Variants in MYLK3 observed in about 807,000 individuals in gnomAD.
MYLK3 encodes myosin light chain kinase 3.
In MYLK3, 55 loss-of-function variants were observed where a neutral mutation model predicts 76.3. That is an observed-to-expected ratio of 0.72 (90% CI 0.58 to 0.90). The LOEUF (loss-of-function observed/expected upper bound fraction) is 0.90. MYLK3 is among the 40% of genes least tolerant of loss of function. The probability of loss-of-function intolerance (pLI) is 0.00; values close to 1 mark genes in which losing one functional copy is unlikely to be tolerated. For missense variants in MYLK3, 973 were observed against 1,053.6 expected, an observed-to-expected ratio of 0.92 and a Z score of 1.06; for synonymous variants, 416 against 425.4, an observed-to-expected ratio of 0.98 and a Z score of 0.27.
At chr16:46,733,445 G>C (rs1197209569) in intron 3 of MYLK3, among the ~76,000 whole-genome samples, 1 of 152,178 alleles carries the variant, frequency 6.6e-6, no homozygotes, top group Non-Finnish European at 1.5e-5. Context: ...TGGCTGTGCT[G>C]GGCCCACGTG....
intron 1 of MYLK3, among the ~76,000 whole-genome samples, chr16:46,742,540 C>T (rs965251980): frequency 6.6e-6 from 1 of 151,762 alleles, no homozygotes; most frequent in African/African-American, 2.4e-5. Context: ...TGGCAAAACT[C>T]GGCTAGGGCA....
At chr16:46,728,617 A>T (rs1966846788) in intron 7 of MYLK3, among the ~76,000 whole-genome samples, 1 of 152,180 alleles carries the variant, frequency 6.6e-6, no homozygotes, top group South Asian at 2.1e-4. Context: ...GCTTCATGGG[A>T]GGCTACAGTG....
At chr16:46,729,796 T>C in intron 5 of MYLK3, 109 bp from the exon 6 acceptor site, 1 of 921,968 alleles carries the variant, frequency 1.1e-6, no homozygotes, top group Non-Finnish European at 1.7e-6. Context: ...TGGACCATCC[T>C]ACATCCCAGA....
At chr16:46,726,675 G>GAGAAAGAAAGAAAGAAAGAAAGAAAGAA (rs1204849346) in intron 8 of MYLK3, 1 of 46,554 alleles carries the variant, frequency 2.1e-5, no homozygotes, top group African/African-American at 5.9e-5. Context: ...AAGAAAGAAA[G>GAGAAAGAAAGAAAGAAAGAAAGAAAGAA]AGAAAGAAAG....
rs1267811606 is a variant in MYLK3 at position 46,703,233 on chromosome 16, A to G, written c.*4471T>C. On this transcript the variant is annotated 3_prime_UTR_variant, in exon 13 of 13. Coordinates refer to ENST00000394809, the MANE Select transcript of MYLK3 (RefSeq NM_182493.3). ...TGGATGTGGCAAAATTCATTTAACT[A>G]AAACCAAACTAATAGGCATGTGTTG... 2 of 152,256 alleles carry G rather than the reference A, an allele frequency of 1.3e-5. No homozygotes were observed. The highest frequency in any genetic ancestry group is 6.5e-5 in the Admixed American group (1 of 15,284). The allele number at this position is 152,256 out of a possible 1,614,324, so 9.4% of individuals were successfully genotyped here.
At chr16:46,721,047 C>A in intron 9 of MYLK3, 76 bp downstream of exon 9, 1 of 1,294,794 alleles carries the variant, frequency 7.7e-7, no homozygotes, top group Non-Finnish European at 1.1e-6. Flanking sequence ...TTAGCTGGGT[C>A]AGGAGTAACC....
At chr16:46,735,183 A>G (rs1259744364) in intron 3 of MYLK3, among the ~76,000 whole-genome samples, 1 of 151,730 alleles carries the variant, frequency 6.6e-6, no homozygotes, top group Admixed American at 6.6e-5. Flanking sequence ...TAAATTTTAC[A>G]TTATGTGGTT....
At chr16:46,711,647 A>T (rs1159678851) in intron 10 of MYLK3, 1 of 441,840 alleles carries the variant, frequency 2.3e-6, no homozygotes, top group Non-Finnish European at 4.5e-6. Flanking sequence ...AAGTGCTGGG[A>T]TTATAGGCAT....
chr16:46,724,364 T>C (rs923069067), intron 8 of MYLK3, among the ~76,000 whole-genome samples: 7 of 152,198 alleles, frequency 4.6e-5, no homozygotes, highest in African/African-American at 7.2e-5. Flanking sequence ...TAAGAAACCA[T>C]TGCCTAATCC....
chr16:46,727,231 C>T lies in MYLK3; in HGVS notation c.1914+5G>A. On this transcript the variant is annotated splice_donor_5th_base_variant and intron_variant, in intron 8 of 12. Transcript: ENST00000394809. ...CCCCTACCGCATGCCCAGGGCAGAA[C>T]CCACCTTGAGGTCCAGGTGCAGGAT... 6.2e-7 allele frequency: 1 copy of T among 1,613,294 alleles called. No homozygotes were observed.
At chr16:46,740,510 T>C (rs1023658599) in intron 1 of MYLK3, among the ~76,000 whole-genome samples, 1 of 142,266 alleles carries the variant, frequency 7.0e-6, no homozygotes, top group Non-Finnish European at 1.5e-5. Context: ...TTTAAAAATA[T>C]ATACATAAAT....
rs753264453 is a variant in MYLK3, at chr16:46,747,722, C to T, written c.472G>A (p.Glu158Lys). 6.2e-7 allele frequency: 1 copy of T among 1,612,874 alleles called. No individual in the cohort carries two copies. Among genetic ancestry groups the T allele is most frequent in the Non-Finnish European group, 8.5e-7 (1 of 1,179,484 alleles). The change falls in exon 1 of 13, where the codon GAG becomes AAG. Residue 158 changes from glutamate (E) to lysine (K), a missense_variant. Coordinates refer to ENST00000394809, the MANE Select transcript of MYLK3 (RefSeq NM_182493.3). ...WRRGSPGDSP[E>K]ENKERVEEEG... The stretch of plus-strand genomic sequence containing the variant: ...GCAGGGAAGCAGGAACCAACCTCCT[C>T]AGGGCTGTCACCTGGGCTGCCTCTC...
In MYLK3 at chr16:46,732,352, C is replaced by A; in HGVS notation, c.1318G>T (p.Val440Phe). 5 of 1,613,486 alleles carry A rather than the reference C, an allele frequency of 3.1e-6. No homozygotes were observed. The highest frequency in any genetic ancestry group is 4.2e-6 in the Non-Finnish European group (5 of 1,180,024). Residue 440 changes from valine (V) to phenylalanine (F), a missense_variant, in exon 4 of 13, where the codon GTT becomes TTT. Val to Phe is a conservative substitution (Grantham distance 50). This residue lies in a region of MYLK3 where 641 missense variants were observed against 637.0 expected (regional missense o/e 1.01). Coordinates refer to ENST00000394809, the MANE Select transcript of MYLK3 (RefSeq NM_182493.3). Reference protein sequence around the residue: ...LARSDDNDHEVGALGLQQGKS... With the variant: ...LARSDDNDHEFGALGLQQGKS... ...CCCTGCTGCAGGCCCAGGGCCCCAACCTCGTGGTCATTGTCGTCACTCCTG... is the reference window on the plus strand; with the variant it reads ...CCCTGCTGCAGGCCCAGGGCCCCAAACTCGTGGTCATTGTCGTCACTCCTG...
chr16:46,716,315 T>C (rs1966736724), intron 9 of MYLK3, among the ~76,000 whole-genome samples: 2 of 151,698 alleles, frequency 1.3e-5, no homozygotes, highest in South Asian at 4.2e-4. Context: ...GATAGATGGA[T>C]AGATAGATAG....
chr16:46,721,565 G>A (rs773755587), intron 8 of MYLK3, among the ~76,000 whole-genome samples: 8 of 152,096 alleles, frequency 5.3e-5, no homozygotes, highest in Non-Finnish European at 1.0e-4. Context: ...ATGGGGTCTC[G>A]CCATGTTGCC....
chr16:46,710,497 C>T (rs1966671294), intron 11 of MYLK3, 140 bp downstream of exon 11: 2 of 909,878 alleles, frequency 2.2e-6, no homozygotes, highest in South Asian at 3.3e-5. Context: ...CTTTATTTTT[C>T]CAAAGAAGTA....
chr16:46,702,423 ATACT>A lies in MYLK3; in HGVS notation c.*5277_*5280del, dbSNP rs1966583437. ...TAGACCCAAGTTATTAGATGTTGCC[ATACT>A]TGCTTAACTATACCTTCCTTTTTCT... On this transcript the variant is annotated 3_prime_UTR_variant, in exon 13 of 13. Transcript: ENST00000394809. 6.6e-6 allele frequency among the ~76,000 whole-genome samples: 1 copy of A among 152,208 alleles called. No homozygotes were observed. Among genetic ancestry groups the A allele is most frequent in the South Asian group, 2.1e-4 (1 of 4,832 alleles).
At chr16:46,740,551 A>ATTTT (rs869207639) in intron 1 of MYLK3, among the ~76,000 whole-genome samples, 4 of 128,390 alleles carry the variant, frequency 3.1e-5, no homozygotes, top group Admixed American at 1.7e-4. Context: ...ATATATATAT[A>ATTTT]TTTTTTTTTT....
intron 2 of MYLK3, 70 bp downstream of exon 2, chr16:46,739,987 G>T: frequency 9.0e-7 from 1 of 1,110,864 alleles, no homozygotes; most frequent in Non-Finnish European, 1.3e-6. Flanking sequence ...TGTGGGCCGT[G>T]TTGTTGGGGC....
Sources: allele counts gnomAD v4.1 joint callset (sites outside exome capture counted in the v4.1 genomes callset), GRCh38; gene constraint gnomAD v4.1.1; regional missense constraint gnomAD v4.1.1; transcripts MANE v1.5; gene names NCBI Gene and HGNC (gene_info 2026-07-23, HGNC 2026-07-21).